CDC14A: variants seen among roughly 807,000 people sequenced by gnomAD.
CDC14A encodes dual specificity protein phosphatase CDC14A.
Under a neutral mutation model 74.4 loss-of-function variants are expected in CDC14A, and 53 were observed. That is an observed-to-expected ratio of 0.71 (90% CI 0.57 to 0.89). The LOEUF (loss-of-function observed/expected upper bound fraction) is 0.89, where lower values mean the gene tolerates loss of function less well. Ranked by LOEUF, CDC14A falls within the 40% of genes least tolerant of loss-of-function variation. The pLI is 0.00. For synonymous variants in CDC14A, 247 were observed against 258.4 expected (o/e 0.96, Z 0.43); for missense variants, 646 against 713.7 (o/e 0.91, Z 1.08).
At chr1:100,349,371 T>C (rs998432050), upstream of CDC14A, among the ~76,000 whole-genome samples, 5 of 152,242 alleles carry the variant, frequency 3.3e-5, no homozygotes, top group Admixed American at 2.0e-4. Flanking sequence ...TCCTTAAGTT[T>C]ATATCAAGTT....
Position 100,374,128 on chromosome 1 carries a change from A to G in CDC14A, c.141-3418A>G, listed in dbSNP as rs548632477. ...TTTCATCCATGTCCCTACAAAGGACATGAACTCATCATTTTTTATGGCTGC... is the reference window on the plus strand; with the variant it reads ...TTTCATCCATGTCCCTACAAAGGACGTGAACTCATCATTTTTTATGGCTGC... On this transcript the variant is annotated intron_variant, in intron 2 of 15. Coordinates refer to ENST00000336454, the MANE Select transcript of CDC14A (RefSeq NM_003672.4). 3.8e-4 allele frequency among the ~76,000 whole-genome samples: 58 copies of G among 152,322 alleles called. No individual in the cohort carries two copies. In the South Asian group the frequency reaches 0.011, roughly 28 times the overall value.
intron 5 of CDC14A, among the ~76,000 whole-genome samples, chr1:100,432,102 G>A (rs6679008): frequency 1.9e-4 from 29 of 151,886 alleles, no homozygotes; most frequent in Non-Finnish European, 3.8e-4. Flanking sequence ...CTGTTTTTTT[G>A]TTGTTGTTGT....
chr1:100,442,695 A>G (rs1037539905), intron 6 of CDC14A, among the ~76,000 whole-genome samples: 2 of 152,096 alleles, frequency 1.3e-5, no homozygotes, highest in Non-Finnish European at 2.9e-5. Context: ...ATTAGAAATC[A>G]AGGCATCTTT....
intron 3 of CDC14A, among the ~76,000 whole-genome samples, chr1:100,386,081 T>C (rs1455850906): frequency 6.6e-6 from 1 of 151,816 alleles, no homozygotes; most frequent in Non-Finnish European, 1.5e-5. Context: ...GCATGAGAAT[T>C]GCTTGAACCT....
intron 7 of CDC14A, among the ~76,000 whole-genome samples, chr1:100,447,551 G>A (rs1414015950): frequency 6.6e-6 from 1 of 152,202 alleles, no homozygotes; most frequent in South Asian, 2.1e-4. Flanking sequence ...CAAAGAATAT[G>A]TACCTTGAGA....
intron 9 of CDC14A, among the ~76,000 whole-genome samples, chr1:100,465,401 A>T (rs1667700145): frequency 6.6e-6 from 1 of 152,144 alleles, no homozygotes; most frequent in Admixed American, 6.5e-5. Flanking sequence ...CACACGTAGG[A>T]TTCTTTTATA....
intron 2 of CDC14A, among the ~76,000 whole-genome samples, chr1:100,363,710 C>T (rs891984821): frequency 6.6e-6 from 1 of 151,440 alleles, no homozygotes; most frequent in African/African-American, 2.4e-5. Flanking sequence ...TTTAGTAATG[C>T]ATTTATTCAG....
intron 4 of CDC14A, among the ~76,000 whole-genome samples, chr1:100,397,357 G>A (rs910842121): frequency 3.9e-5 from 6 of 152,158 alleles, no homozygotes; most frequent in Admixed American, 2.0e-4. Flanking sequence ...TGTCAGAAAG[G>A]TGTTTCCCTT....
intron 15 of CDC14A, 152 bp downstream of exon 15, chr1:100,499,414 T>C (rs757773090): frequency 1.3e-6 from 2 of 1,547,478 alleles, no homozygotes; most frequent in South Asian, 1.3e-5. Context: ...AAACTGTCTA[T>C]GCACTACATT....
intron 9 of CDC14A, 96 bp downstream of exon 9, chr1:100,462,977 G>A: frequency 1.2e-6 from 1 of 831,280 alleles, no homozygotes; most frequent in East Asian, 2.7e-5. Context: ...TAGTGTCTTA[G>A]AAAAACAATG....
intron 15 of CDC14A, among the ~76,000 whole-genome samples, chr1:100,514,655 T>C (rs886149602): frequency 2.6e-5 from 4 of 152,208 alleles, no homozygotes; most frequent in Admixed American, 2.6e-4. Flanking sequence ...TTGGGGCTAA[T>C]TACTGCTTTG....
intron 4 of CDC14A, among the ~76,000 whole-genome samples, chr1:100,392,307 G>T (rs549953258): frequency 6.6e-6 from 1 of 152,286 alleles, no homozygotes; most frequent in South Asian, 2.1e-4. Flanking sequence ...TATGGAAAAA[G>T]ACTGTACTAA....
At chr1:100,426,411 C>A (rs1662966673) in intron 5 of CDC14A, among the ~76,000 whole-genome samples, 1 of 151,966 alleles carries the variant, frequency 6.6e-6, no homozygotes, top group Non-Finnish European at 1.5e-5. Flanking sequence ...TGCACCCAGT[C>A]AAGAACTAGA....
chr1:100,490,664 T>C (rs1022515462), intron 11 of CDC14A, among the ~76,000 whole-genome samples: 18 of 152,198 alleles, frequency 1.2e-4, no homozygotes, highest in African/African-American at 3.4e-4. Context: ...CTCACAGTGA[T>C]CAATGGGAGG....
At chr1:100,459,025 G>A (rs1334257314) in intron 8 of CDC14A, among the ~76,000 whole-genome samples, 4 of 150,586 alleles carry the variant, frequency 2.7e-5, no homozygotes, top group Non-Finnish European at 5.9e-5. Flanking sequence ...CAGATATTTT[G>A]GATTTCAGAT....
chr1:100,500,743 CAAAAAAAAAAAAA>C (rs67947647), intron 15 of CDC14A, among the ~76,000 whole-genome samples: 15 of 53,826 alleles, frequency 2.8e-4, no homozygotes, highest in Non-Finnish European at 3.8e-4. Flanking sequence ...GAGCCACTCT[CAAAAAAAAAAAAA>C]AAAAAAAAAA....
At chr1:100,403,939 C>G (rs745786506) in intron 4 of CDC14A, among the ~76,000 whole-genome samples, 1 of 152,074 alleles carries the variant, frequency 6.6e-6, no homozygotes, top group Non-Finnish European at 1.5e-5. Context: ...AATCTTAAAC[C>G]TTAGGTTTAT....
chr1:100,371,719 C>T (rs1487345692), intron 2 of CDC14A, among the ~76,000 whole-genome samples: 2 of 152,014 alleles, frequency 1.3e-5, no homozygotes, highest in Non-Finnish European at 2.9e-5. Flanking sequence ...TTATGGATAA[C>T]TTGAATTATT....
At chr1:100,376,944 G>T (rs1655350706) in intron 2 of CDC14A, among the ~76,000 whole-genome samples, 1 of 151,974 alleles carries the variant, frequency 6.6e-6, no homozygotes, top group Non-Finnish European at 1.5e-5. Flanking sequence ...ATTCCTGTTG[G>T]TTCTTTCTTT....
Sources: gnomAD v4.1 joint callset for allele counts (sites outside exome capture counted in the v4.1 genomes callset) on GRCh38, gnomAD v4.1.1 for gene constraint, MANE v1.5 for transcripts, NCBI Gene and HGNC (gene_info 2026-07-23, HGNC 2026-07-21) for gene names.